Variants in SV2C observed in about 807,000 individuals in gnomAD.
SV2C encodes the protein synaptic vesicle glycoprotein 2C.
In SV2C, 49 loss-of-function variants were observed where a neutral mutation model predicts 79.7. The ratio of observed to expected loss-of-function variants is 0.61; its 90% CI spans 0.49 to 0.78. The LOEUF (loss-of-function observed/expected upper bound fraction) is 0.78, where lower values mean the gene tolerates loss of function less well. Ranked by LOEUF, SV2C falls within the 30% of genes least tolerant of loss-of-function variation. The probability of loss-of-function intolerance (pLI) is 0.00; values close to 1 mark genes in which losing one functional copy is unlikely to be tolerated. For missense variants in SV2C, 833 were observed against 912.9 expected (o/e 0.91, Z 1.13); for synonymous variants, 334 against 333.2 (o/e 1.00, Z -0.03).
At chr5:75,937,869 A>C in the SV2C span, among the ~76,000 whole-genome samples, 1 of 122,978 alleles carries the variant, frequency 8.1e-6, no homozygotes, top group African/African-American at 3.5e-5. Flanking sequence ...TTTCACCTCT[A>C]GCATTATCTC....
chr5:76,237,612 G>C (rs776017750), intron 4 of SV2C, among the ~76,000 whole-genome samples: 1 of 152,120 alleles, frequency 6.6e-6, no homozygotes, highest in Admixed American at 6.5e-5. Context: ...TTAAACAGAA[G>C]TAGGTTGCTG....
At chr5:75,899,513 G>A in the SV2C span, among the ~76,000 whole-genome samples, 8 of 152,162 alleles carry the variant, frequency 5.3e-5, no homozygotes, top group East Asian at 1.5e-3. Context: ...GAATAGGTGT[G>A]GTGTGGTGCT....
the SV2C span, among the ~76,000 whole-genome samples, chr5:76,051,085 A>G: frequency 1.3e-5 from 2 of 152,238 alleles, no homozygotes; most frequent in Non-Finnish European, 2.9e-5. Flanking sequence ...AGTAAAAAGT[A>G]TCTTTATAAA....
At chr5:76,345,539 G>A (rs1381106519) in intron 12 of SV2C, among the ~76,000 whole-genome samples, 4 of 152,160 alleles carry the variant, frequency 2.6e-5, no homozygotes, top group East Asian at 1.9e-4. Context: ...CTCCCTAGAC[G>A]AGGAACACCA....
chr5:76,231,504 G>A (rs997002973), intron 4 of SV2C, among the ~76,000 whole-genome samples: 13 of 151,372 alleles, frequency 8.6e-5, no homozygotes, highest in Admixed American at 2.0e-4. Context: ...AGTTACATAC[G>A]TATACATGTG....
chr5:76,277,009 C>T lies in SV2C; in HGVS notation c.914-8153C>T, dbSNP rs549670893. Among the ~76,000 whole-genome samples, 6 of 152,246 alleles carry T rather than the reference C, an allele frequency of 3.9e-5. No individual in the cohort carries two copies. In the South Asian group the frequency reaches 1.2e-3, roughly 32 times the overall value. On this transcript the variant is annotated intron_variant, in intron 4 of 12. Coordinates refer to ENST00000502798, the MANE Select transcript of SV2C (RefSeq NM_014979.4). ...ATGAACAAAAAGTAAATGAAGATAT[C>T]ACTAGGCATTAGGGAAACACAAATT... is the stretch of plus-strand genomic sequence containing the variant.
At chr5:76,146,739 A>T (rs1044968265) in intron 2 of SV2C, among the ~76,000 whole-genome samples, 1 of 140,604 alleles carries the variant, frequency 7.1e-6, no homozygotes, top group South Asian at 2.6e-4. Flanking sequence ...TGTCTCTGAC[A>T]TGGGGGCTAA....
At position 76,325,663 on chromosome 5, in the gene SV2C, A is replaced by C; in HGVS notation, c.*116A>C. On this transcript the variant is annotated 3_prime_UTR_variant, in exon 13 of 13. Transcript: ENST00000502798. ...GAAAGGTGATCAAGTATCAGAACAT[A>C]AACACGTGCTGTGACTTAAAATTTA... 1 of 1,414,022 alleles carries C rather than the reference A, an allele frequency of 7.1e-7. No individual in the cohort carries two copies. The highest frequency in any genetic ancestry group is 9.5e-7 in the Non-Finnish European group (1 of 1,053,538). 87.6% of individuals were successfully genotyped at this position (1,414,022 alleles called of 1,614,324 possible).
chr5:76,027,613 A>G, the SV2C span, among the ~76,000 whole-genome samples: 1 of 152,166 alleles, frequency 6.6e-6, no homozygotes, highest in African/African-American at 2.4e-5. Flanking sequence ...AACTTTTTGA[A>G]TATACAGAAT....
intron 2 of SV2C, among the ~76,000 whole-genome samples, chr5:76,167,579 T>C (rs1202214051): frequency 2.6e-5 from 4 of 152,252 alleles, no homozygotes; most frequent in African/African-American, 9.6e-5. Context: ...CTAAGCACTT[T>C]ATAAGAGTTA....
chr5:76,121,911 A>G (rs1272587444), intron 1 of SV2C, among the ~76,000 whole-genome samples: 1 of 151,608 alleles, frequency 6.6e-6, no homozygotes, highest in Admixed American at 6.6e-5. Flanking sequence ...GTGAAGAAAG[A>G]CATTGGTAGC....
intron 4 of SV2C, among the ~76,000 whole-genome samples, chr5:76,225,355 A>T (rs1745204965): frequency 6.6e-6 from 1 of 152,202 alleles, no homozygotes; most frequent in Non-Finnish European, 1.5e-5. Context: ...GCCCTCAAGG[A>T]GCTCTTCAGC....
chr5:76,017,858 A>G, the SV2C span, among the ~76,000 whole-genome samples: 344 of 152,310 alleles, frequency 2.3e-3, 4 homozygotes, highest in African/African-American at 7.8e-3. Context: ...CGGTAGGAAG[A>G]AAAACTACAC....
the SV2C span, among the ~76,000 whole-genome samples, chr5:75,946,564 A>T: frequency 6.6e-6 from 1 of 152,044 alleles, no homozygotes; most frequent in South Asian, 2.1e-4. Flanking sequence ...GGTCCTTTGC[A>T]TTACCGTATG....
At chr5:76,150,271 G>A (rs1443806321) in intron 2 of SV2C, among the ~76,000 whole-genome samples, 1 of 150,494 alleles carries the variant, frequency 6.6e-6, no homozygotes, top group African/African-American at 2.5e-5. Context: ...TCTGCCTCTC[G>A]GGTTCAAGTG....
chr5:76,073,495 A>ATG, the SV2C span, among the ~76,000 whole-genome samples: 1,684 of 97,222 alleles, frequency 0.017, 37 homozygotes, highest in African/African-American at 0.047. Flanking sequence ...TGTGGTATGT[A>ATG]TGTGTGTGTA....
intron 12 of SV2C, among the ~76,000 whole-genome samples, chr5:76,320,801 A>G (rs1429977965): frequency 6.6e-6 from 1 of 152,236 alleles, no homozygotes; most frequent in African/African-American, 2.4e-5. Context: ...CTTTAAAAAA[A>G]GAAGAGGAAG....
chr5:76,044,209 C>T, the SV2C span, among the ~76,000 whole-genome samples: 6 of 152,178 alleles, frequency 3.9e-5, no homozygotes, highest in Non-Finnish European at 7.3e-5. Context: ...TGGCTTCCAG[C>T]TCTATCCATA....
intron 2 of SV2C, among the ~76,000 whole-genome samples, chr5:76,178,560 G>C (rs1018994891): frequency 6.6e-6 from 1 of 152,034 alleles, no homozygotes; most frequent in African/African-American, 2.4e-5. Context: ...AATAATGATT[G>C]CAATAACATG....
Sources: gnomAD v4.1 joint callset for allele counts (sites outside exome capture counted in the v4.1 genomes callset) on GRCh38, gnomAD v4.1.1 for gene constraint, MANE v1.5 for transcripts, NCBI Gene and HGNC (gene_info 2026-07-23, HGNC 2026-07-21) for gene names.